The following SPECC1 variants were observed in gnomAD, a reference collection of about 807,000 sequenced individuals.
SPECC1 encodes cytospin-B.
A neutral mutation model predicts 104.1 loss-of-function variants in SPECC1; 62 were observed. That is an observed-to-expected ratio of 0.60 (90% CI 0.49 to 0.74). The LOEUF (loss-of-function observed/expected upper bound fraction) is 0.74, where lower values mean the gene tolerates loss of function less well. Among genes scored for constraint, SPECC1 ranks in the 30% least tolerant of loss-of-function variants. SPECC1 has a pLI of 0.00. For synonymous variants in SPECC1, 513 were observed against 501.6 expected, an observed-to-expected ratio of 1.02 and a Z score of -0.30; for missense variants, 1,306 against 1,310.5, an observed-to-expected ratio of 1.00 and a Z score of 0.05.
intron 4 of SPECC1, among the ~76,000 whole-genome samples, chr17:20,218,402 C>T (rs1189549762): frequency 6.6e-6 from 1 of 151,830 alleles, no homozygotes; most frequent in Non-Finnish European, 1.5e-5. Flanking sequence ...GAATATATGT[C>T]CTTAGTCATC....
intron 3 of SPECC1, among the ~76,000 whole-genome samples, chr17:20,131,639 CTT>C (rs541723505): frequency 2.0e-3 from 235 of 117,964 alleles, no homozygotes; most frequent in African/African-American, 6.0e-3. Context: ...CAGTCTTCTT[CTT>C]TTTTTTTTTT....
At position 20,257,501 on chromosome 17, in the gene SPECC1, A is replaced by G. The variant is rs1486932341; in HGVS notation, c.2731A>G (p.Lys911Glu). The change falls in exon 11 of 15, where the codon AAG becomes GAG. Residue 911 changes from lysine to glutamate, a missense_variant. Physicochemically the swap from Lys to Glu is moderately conservative, Grantham distance 56. Coordinates refer to ENST00000395527, the MANE Select transcript of SPECC1 (RefSeq NM_001243439.2). ...ETLKPDPHLR[K>E]SPSLESLSRP... The stretch of plus-strand genomic sequence containing the variant: ...CCTGAAGCCAGACCCCCACCTCCGC[A>G]AGAGTCCCTCACTAGAGTCACTGAG... The G allele has an allele frequency of 6.2e-7, 1 of 1,610,684 alleles. No homozygotes were observed. The highest frequency in any genetic ancestry group is 8.5e-7 in the Non-Finnish European group (1 of 1,179,206).
rs139556697 is a variant in SPECC1 at position 20,292,892 on chromosome 17, C to T, written c.2941-4069C>T. The stretch of plus-strand genomic sequence containing the variant: ...GTGTTGCTTTCAGCTAGATACTCCT[C>T]GCTGGGGAAATGTAACTGCAAAGCA... On this transcript the variant is annotated intron_variant, in intron 12 of 14. Coordinates refer to ENST00000395527, the MANE Select transcript of SPECC1 (RefSeq NM_001243439.2). 5.8e-4 allele frequency among the ~76,000 whole-genome samples: 89 copies of T among 152,312 alleles called. 1 individual carries two copies. In the East Asian group the frequency reaches 0.011, roughly 19 times the overall value.
intron 3 of SPECC1, chr17:20,112,498 T>A (rs2048542118): frequency 1.3e-6 from 1 of 767,624 alleles, no homozygotes; most frequent in Non-Finnish European, 2.4e-6. Context: ...TGAACTTCAG[T>A]GGTGCTGATC....
intron 14 of SPECC1, among the ~76,000 whole-genome samples, chr17:20,309,079 G>A (rs140406597): frequency 5.3e-5 from 8 of 152,290 alleles, no homozygotes; most frequent in Non-Finnish European, 8.8e-5. Flanking sequence ...GTGAGGAGCT[G>A]CTGACACACA....
chr17:20,018,385 G>C (rs1301313152), intron 1 of SPECC1, among the ~76,000 whole-genome samples: 2 of 152,258 alleles, frequency 1.3e-5, no homozygotes, highest in Non-Finnish European at 2.9e-5. Context: ...GAAGGCAGAA[G>C]TATGTGTTTA....
chr17:20,116,346 C>T (rs984217198), intron 3 of SPECC1, among the ~76,000 whole-genome samples: 2 of 152,108 alleles, frequency 1.3e-5, no homozygotes, highest in African/African-American at 4.8e-5. Context: ...CCTTGGCCTC[C>T]CAAAGTGCTG....
chr17:20,110,340 A>G, intron 2 of SPECC1, 87 bp from the exon 3 acceptor site: 1 of 1,445,596 alleles, frequency 6.9e-7, no homozygotes, highest in South Asian at 1.4e-5. Context: ...CTGGGCACAT[A>G]GCCCAGCTCC....
chr17:20,113,138 A>C, intron 3 of SPECC1: 1 of 622,650 alleles, frequency 1.6e-6, no homozygotes, highest in South Asian at 2.1e-5. Context: ...TCAGTGGTGC[A>C]TAAGGGAAAA....
intron 8 of SPECC1, 49 bp from the exon 9 acceptor site, chr17:20,247,170 A>G (rs368294368): frequency 1.1e-5 from 16 of 1,432,408 alleles, no homozygotes; most frequent in Non-Finnish European, 1.5e-5. Context: ...AGTATATGCT[A>G]TTTTGAAGTG....
rs895988932 is a variant in SPECC1, at chr17:20,030,987, CTTTTTG to C, written c.-22+21581_-22+21586del. ...CCTGCTTAATTATTTTTTGGTTTTG[CTTTTTG>C]TTTTTGTTTTTGTTTTTTCGAGACA... On this transcript the variant is annotated intron_variant, in intron 1 of 14. Transcript: ENST00000395527. Among the ~76,000 whole-genome samples the C allele has an allele frequency of 5.9e-5, 9 of 152,132 alleles. No individual in the cohort carries two copies. The South Asian group carries it at 6.2e-4, about 11-fold the overall frequency.
intron 1 of SPECC1, among the ~76,000 whole-genome samples, chr17:20,088,250 A>G (rs1174154375): frequency 1.3e-5 from 2 of 152,128 alleles, no homozygotes; most frequent in Non-Finnish European, 2.9e-5. Flanking sequence ...TGAAACTTTA[A>G]TTTTAGTGAA....
intron 12 of SPECC1, among the ~76,000 whole-genome samples, chr17:20,280,781 CAGAT>C (rs1429411671): frequency 2.0e-5 from 3 of 152,196 alleles, no homozygotes; most frequent in Non-Finnish European, 2.9e-5. Context: ...AGAATATAGA[CAGAT>C]GGATGTTAAA....
chr17:20,246,706 G>A (rs949305616), intron 8 of SPECC1, among the ~76,000 whole-genome samples: 4 of 152,146 alleles, frequency 2.6e-5, no homozygotes, highest in Non-Finnish European at 4.4e-5. Flanking sequence ...ATAGCAAATA[G>A]AAGAAACAGA....
intron 4 of SPECC1, among the ~76,000 whole-genome samples, chr17:20,218,460 A>G (rs142946609): frequency 1.2e-3 from 183 of 152,218 alleles, no homozygotes; most frequent in African/African-American, 4.0e-3. Flanking sequence ...ACCTGCAATG[A>G]TCTATTTTGT....
intron 3 of SPECC1, among the ~76,000 whole-genome samples, chr17:20,191,672 T>C (rs1342307389): frequency 2.0e-5 from 3 of 148,848 alleles, no homozygotes; most frequent in Non-Finnish European, 4.5e-5. Flanking sequence ...TGACAAGCCC[T>C]GGTGTGTGAT....
At chr17:20,170,174 A>G (rs1024564363) in intron 3 of SPECC1, among the ~76,000 whole-genome samples, 1 of 152,198 alleles carries the variant, frequency 6.6e-6, no homozygotes, top group Non-Finnish European at 1.5e-5. Flanking sequence ...CTGCCTTCAC[A>G]TGGACATTGT....
At chr17:20,098,973 A>C (rs2047788030) in intron 2 of SPECC1, among the ~76,000 whole-genome samples, 1 of 152,148 alleles carries the variant, frequency 6.6e-6, no homozygotes, top group African/African-American at 2.4e-5. Context: ...TGGCGGTCTG[A>C]TGGAACAAGA....
chr17:20,048,643 A>T (rs950441070), intron 1 of SPECC1, among the ~76,000 whole-genome samples: 10 of 151,494 alleles, frequency 6.6e-5, no homozygotes, highest in Non-Finnish European at 1.3e-4. Flanking sequence ...GCGGTGGCTC[A>T]CGCCTGTAAT....
Sources: gnomAD v4.1 joint callset for allele counts (sites outside exome capture counted in the v4.1 genomes callset) on GRCh38, gnomAD v4.1.1 for gene constraint, MANE v1.5 for transcripts, NCBI Gene and HGNC (gene_info 2026-07-23, HGNC 2026-07-21) for gene names.